The following PCSK2 variants were observed in gnomAD, a reference collection of about 807,000 sequenced individuals.
PCSK2 encodes proprotein convertase subtilisin/kexin type 2, also known as neuroendocrine convertase 2.
A neutral mutation model predicts 69.7 loss-of-function variants in PCSK2; 14 were observed. The ratio of observed to expected loss-of-function variants is 0.20; its 90% CI spans 0.13 to 0.31. The LOEUF is 0.31. Ranked by LOEUF, PCSK2 falls within the 10% of genes least tolerant of loss-of-function variation. The pLI is 1.00. For missense variants in PCSK2, 544 were observed against 842.5 expected, an observed-to-expected ratio of 0.65 and a Z score of 4.39; for synonymous variants, 307 against 320.7, an observed-to-expected ratio of 0.96 and a Z score of 0.46.
chr20:17,260,215 C>T, intron 1 of PCSK2, 25 bp from the exon 2 acceptor site: 2 of 1,475,950 alleles, frequency 1.4e-6, no homozygotes, highest in Admixed American at 3.3e-5. Flanking sequence ...GCTAACTATG[C>T]CTATGTCTAC....
intron 5 of PCSK2, among the ~76,000 whole-genome samples, chr20:17,396,076 C>A (rs2031504033): frequency 6.6e-6 from 1 of 152,188 alleles, no homozygotes; most frequent in Non-Finnish European, 1.5e-5. Context: ...TCTACAACAT[C>A]AGAGAACACC....
intron 7 of PCSK2, among the ~76,000 whole-genome samples, chr20:17,432,913 TA>T (rs575015095): frequency 3.3e-5 from 5 of 150,864 alleles, no homozygotes; most frequent in African/African-American, 9.8e-5. Context: ...AGGGAGCAAA[TA>T]AAAAAAAATC....
chr20:17,479,439 C>A, intron 11 of PCSK2: 1 of 573,696 alleles, frequency 1.7e-6, no homozygotes, highest in Non-Finnish European at 3.3e-6. Context: ...CATGGTAGCG[C>A]CTGTTCTCCC....
chr20:17,456,565 T>C, intron 10 of PCSK2, 117 bp downstream of exon 10: 1 of 664,822 alleles, frequency 1.5e-6, no homozygotes, highest in Admixed American at 2.4e-5. Flanking sequence ...CCATGAATAG[T>C]CAGGGCCAAT....
At chr20:17,372,513 G>A (rs2030800892) in intron 5 of PCSK2, among the ~76,000 whole-genome samples, 2 of 152,080 alleles carry the variant, frequency 1.3e-5, no homozygotes, top group Admixed American at 6.6e-5. Context: ...GGCCACTGGT[G>A]GGATGTTATT....
chr20:17,384,043 CTG>C (rs2031163550), intron 5 of PCSK2, among the ~76,000 whole-genome samples: 1 of 152,128 alleles, frequency 6.6e-6, no homozygotes, highest in Admixed American at 6.5e-5. Flanking sequence ...AATATTGACA[CTG>C]TGAAAAGTAT....
chr20:17,377,085 G>A (rs1308969560), intron 5 of PCSK2, among the ~76,000 whole-genome samples: 1 of 152,182 alleles, frequency 6.6e-6, no homozygotes, highest in Non-Finnish European at 1.5e-5. Flanking sequence ...CAAGCCTGGA[G>A]AGAATACGAT....
In PCSK2 at chr20:17,334,543, C is replaced by T. The variant is rs187733268; in HGVS notation, c.283-23784C>T. ...TTACGGGGGGGCAATGAGTCCAGGG[C>T]CACGGATGGCCAAAAAATGTTCTTT... On this transcript the variant is annotated intron_variant, in intron 2 of 11. Coordinates refer to ENST00000262545, the MANE Select transcript of PCSK2 (RefSeq NM_002594.5). Among the ~76,000 whole-genome samples the T allele has an allele frequency of 3.5e-3, 535 of 152,170 alleles. 1 individual carries two copies. The highest frequency in any genetic ancestry group is 0.012 in the African/African-American group (495 of 41,492).
intron 11 of PCSK2, chr20:17,479,348 C>A: frequency 1.4e-6 from 1 of 731,740 alleles, no homozygotes; most frequent in Non-Finnish European, 2.5e-6. Context: ...CACCTAAAAC[C>A]CCGTCTGCAC....
chr20:17,415,910 C>T (rs2031988909), intron 6 of PCSK2, among the ~76,000 whole-genome samples: 1 of 152,100 alleles, frequency 6.6e-6, no homozygotes, highest in African/African-American at 2.4e-5. Context: ...ACCTGACAAA[C>T]ACAATAAATG....
Position 17,347,933 on chromosome 20 carries a change from A to AGAG in PCSK2, c.283-10393_283-10391dup, listed in dbSNP as rs1990719525. On this transcript the variant is annotated intron_variant, in intron 2 of 11. Transcript: ENST00000262545. ...GAAAGAAAGAAAGGAGAGAGAAAAA[A>AGAG]GAGAAAGAAAGAAAGAAAGAAAGAA... 1.3e-4 allele frequency among the ~76,000 whole-genome samples: 6 copies of AGAG among 47,100 alleles called. 2 individuals are homozygous for AGAG. Among genetic ancestry groups the AGAG allele is most frequent in the African/African-American group, 4.9e-4 (5 of 10,296 alleles). 30.9% of individuals were successfully genotyped at this position (47,100 alleles called of 152,430 possible).
chr20:17,309,576 G>A (rs1228526031), intron 2 of PCSK2, among the ~76,000 whole-genome samples: 1 of 152,134 alleles, frequency 6.6e-6, no homozygotes, highest in Non-Finnish European at 1.5e-5. Flanking sequence ...CCAGCACTTT[G>A]GGAGGCCAAA....
In PCSK2 at chr20:17,481,872, A is replaced by G. The variant is rs1353232716; in HGVS notation, c.1719A>G (p.Gly573=). ...GAGGCACCTGGACCCTGGAGCTGGG[A>G]TTTGTCGGCAGCGCCCCGCAGAAGG... ...DARGTWTLEL[G]FVGSAPQKGV... Residue 573 remains glycine (G), a synonymous_variant, in exon 12 of 12, where the codon GGA becomes GGG. Coordinates refer to ENST00000262545, the MANE Select transcript of PCSK2 (RefSeq NM_002594.5). 1 of 1,613,692 alleles carries G rather than the reference A, an allele frequency of 6.2e-7. No individual in the cohort carries two copies. Among genetic ancestry groups the G allele is most frequent in the African/African-American group, 1.3e-5 (1 of 74,840 alleles).
chr20:17,397,485 TA>T (rs1488235627), intron 5 of PCSK2, among the ~76,000 whole-genome samples: 3 of 74,390 alleles, frequency 4.0e-5, no homozygotes, highest in Non-Finnish European at 8.7e-5. Context: ...AAATTCAATA[TA>T]TTTTTTTTTT....
intron 5 of PCSK2, among the ~76,000 whole-genome samples, chr20:17,374,928 A>G (rs1283434723): frequency 6.6e-6 from 1 of 152,172 alleles, no homozygotes; most frequent in African/African-American, 2.4e-5. Flanking sequence ...TAGGGTTCTG[A>G]CAGTTGGCAG....
At chr20:17,270,957 C>T (rs924091099) in intron 2 of PCSK2, among the ~76,000 whole-genome samples, 8 of 152,196 alleles carry the variant, frequency 5.3e-5, no homozygotes, top group African/African-American at 1.9e-4. Context: ...ACTAGTTAGT[C>T]TGTAAAATGC....
chr20:17,373,464 G>T (rs1466669173), intron 5 of PCSK2, among the ~76,000 whole-genome samples: 1 of 152,196 alleles, frequency 6.6e-6, no homozygotes, highest in Non-Finnish European at 1.5e-5. Context: ...TGTGGGTACA[G>T]ACAGCTGCAG....
rs750028595 is a variant in PCSK2, at chr20:17,347,891, AG to A, written c.283-10435del. Among the ~76,000 whole-genome samples, 49 of 11,644 alleles carry A rather than the reference AG, an allele frequency of 4.2e-3. 1 individual carries two copies. The highest frequency in any genetic ancestry group is 6.6e-3 in the Admixed American group (5 of 752). 7.6% of individuals were successfully genotyped at this position (11,644 alleles called of 152,430 possible). A position where few individuals can be genotyped will look rare whatever the true frequency, so the allele number is the denominator to read the frequency against. ...AGAGAAAAAAGAAAGAAAGAAAGAA[AG>A]AAAGAAAGAAAGAAAGAAAGAAAGA... On this transcript the variant is annotated intron_variant, in intron 2 of 11. Coordinates refer to ENST00000262545, the MANE Select transcript of PCSK2 (RefSeq NM_002594.5).
In PCSK2 at chr20:17,316,666, T is replaced by C. The variant is rs137875139; in HGVS notation, c.283-41661T>C. Among the ~76,000 whole-genome samples, 154 of 152,312 alleles carry C rather than the reference T, an allele frequency of 1.0e-3. 1 individual carries two copies. Among genetic ancestry groups the C allele is most frequent in the Non-Finnish European group, 4.6e-4 (31 of 68,026 alleles). ...ACAGTCCTATAAAAAGTTAGAATAATAACGCAGCATCAATTTGTGCTTGAT... is the reference window on the plus strand; with the variant it reads ...ACAGTCCTATAAAAAGTTAGAATAACAACGCAGCATCAATTTGTGCTTGAT... On this transcript the variant is annotated intron_variant, in intron 2 of 11. Transcript: ENST00000262545.
Sources: allele counts gnomAD v4.1 joint callset (sites outside exome capture counted in the v4.1 genomes callset), GRCh38; gene constraint gnomAD v4.1.1; transcripts MANE v1.5; gene names NCBI Gene and HGNC (gene_info 2026-07-23, HGNC 2026-07-21).